Variants in SIMC1 observed in about 807,000 individuals in gnomAD.
SIMC1 encodes the protein SUMO-interacting motif-containing protein 1.
Under a neutral mutation model 82.3 loss-of-function variants are expected in SIMC1, and 55 were observed. That is an observed-to-expected ratio of 0.67 (90% CI 0.54 to 0.84). The LOEUF (loss-of-function observed/expected upper bound fraction) is 0.84. Ranked by LOEUF, SIMC1 falls within the 40% of genes least tolerant of loss-of-function variation. The pLI, the probability that SIMC1 is intolerant of heterozygous loss-of-function variation, is 0.00. For synonymous variants in SIMC1, 353 were observed against 426.3 expected, an observed-to-expected ratio of 0.83 and a Z score of 2.12; for missense variants, 915 against 1,107.2, an observed-to-expected ratio of 0.83 and a Z score of 2.46.
chr5:176,314,872 A>G (rs1764831377), intron 5 of SIMC1, among the ~76,000 whole-genome samples: 1 of 152,238 alleles, frequency 6.6e-6, no homozygotes, highest in Non-Finnish European at 1.5e-5. Flanking sequence ...TCAGTATAGT[A>G]TTCAATAAAT....
At chr5:176,271,685 C>T (rs1228401761) in intron 1 of SIMC1, among the ~76,000 whole-genome samples, 1 of 150,782 alleles carries the variant, frequency 6.6e-6, no homozygotes, top group Non-Finnish European at 1.5e-5. Flanking sequence ...CTACAGTAAG[C>T]AATATTTTAT....
rs1766406310 is a variant in SIMC1, at chr5:176,345,322, G to T, written c.2553G>T (p.Met851Ile). 6.2e-7 allele frequency: 1 copy of T among 1,613,882 alleles called. No individual in the cohort carries two copies. The highest frequency in any genetic ancestry group is 8.5e-7 in the Non-Finnish European group (1 of 1,179,904). ...CCTTCCGCAGCCGCCTGATCCAGAT[G>T]CTGGGGGAGCCTCTTGTCCCCCAAC... The part of the protein sequence containing the change: ...IEAFRSRLIQ[M>I]LGEPLVPQLQ... Residue 851 changes from methionine (M) to isoleucine (I), a missense_variant, in exon 10 of 10, where the codon ATG (methionine) becomes ATT (isoleucine). Transcript: ENST00000429602.
intron 9 of SIMC1, among the ~76,000 whole-genome samples, chr5:176,339,439 C>T (rs1444056832): frequency 2.0e-5 from 3 of 152,146 alleles, no homozygotes; most frequent in Non-Finnish European, 4.4e-5. Flanking sequence ...GTAGCACCCT[C>T]AAAGAAAGGT....
chr5:176,253,986 A>G (rs980706167), intron 1 of SIMC1, among the ~76,000 whole-genome samples: 1 of 152,136 alleles, frequency 6.6e-6, no homozygotes, highest in African/African-American at 2.4e-5. Flanking sequence ...CTTATTTTGC[A>G]TATATGGGTC....
At chr5:176,316,511 TAC>T (rs1554113792) in intron 5 of SIMC1, among the ~76,000 whole-genome samples, 1 of 33,622 alleles carries the variant, frequency 3.0e-5, no homozygotes. Flanking sequence ...TACTAAAAAA[TAC>T]AAAAAAAAAA....
chr5:176,282,660 C>A (rs968037965), intron 1 of SIMC1, among the ~76,000 whole-genome samples: 1 of 152,200 alleles, frequency 6.6e-6, no homozygotes, highest in Non-Finnish European at 1.5e-5. Context: ...AGCAACAGAG[C>A]AAAGCTGGAC....
chr5:176,308,194 T>C (rs1764509184), intron 4 of SIMC1: 16 of 1,464,178 alleles, frequency 1.1e-5, no homozygotes, highest in Non-Finnish European at 1.5e-5. Flanking sequence ...AGTTGAACAA[T>C]GATACAAGGA....
chr5:176,272,601 T>C (rs1762493281), intron 1 of SIMC1, among the ~76,000 whole-genome samples: 1 of 152,094 alleles, frequency 6.6e-6, no homozygotes, highest in African/African-American at 2.4e-5. Context: ...CGACAGTGGG[T>C]GCAGCCCACC....
intron 1 of SIMC1, among the ~76,000 whole-genome samples, chr5:176,263,801 C>G (rs1762095694): frequency 6.6e-6 from 1 of 152,194 alleles, no homozygotes. Flanking sequence ...TTAACTCATT[C>G]CACTATCAAT....
chr5:176,298,322 C>T (rs1763906592), intron 4 of SIMC1, among the ~76,000 whole-genome samples: 1 of 152,218 alleles, frequency 6.6e-6, no homozygotes, highest in Admixed American at 6.5e-5. Flanking sequence ...CTGGGGGCTG[C>T]CTGGCCACCC....
chr5:176,304,611 C>T (rs866961384), intron 4 of SIMC1, among the ~76,000 whole-genome samples: 2,021 of 147,360 alleles, frequency 0.014, 37 homozygotes, highest in South Asian at 0.062. Flanking sequence ...GCCGCCACCC[C>T]GTCTGGGAAG....
At chr5:176,301,166 T>G (rs1263409058) in intron 4 of SIMC1, among the ~76,000 whole-genome samples, 3 of 152,124 alleles carry the variant, frequency 2.0e-5, no homozygotes. Flanking sequence ...CTCCCATAAT[T>G]CCCACGTGTT....
intron 4 of SIMC1, among the ~76,000 whole-genome samples, chr5:176,297,905 C>G (rs1365733956): frequency 6.6e-6 from 1 of 152,018 alleles, no homozygotes; most frequent in Non-Finnish European, 1.5e-5. Flanking sequence ...ATTGAAGTCC[C>G]AAGATTACAA....
rs899655008 is a variant in SIMC1, at chr5:176,330,416, A to G, written c.2171+5659A>G. ...TCTCCATCTCAAAAAAAAAAAAAAA[A>G]GGGAACCAGAATTCCTTGAAGGAAT... is the stretch of plus-strand genomic sequence containing the variant. On this transcript the variant is annotated intron_variant, in intron 7 of 9. Transcript: ENST00000429602. Among the ~76,000 whole-genome samples, 15 of 148,682 alleles carry G rather than the reference A, an allele frequency of 1.0e-4. No individual in the cohort carries two copies. The East Asian group carries it at 2.4e-3, about 23-fold the overall frequency.
chr5:176,304,601 G>T (rs1764199181), intron 4 of SIMC1, among the ~76,000 whole-genome samples: 1 of 148,056 alleles, frequency 6.8e-6, no homozygotes, highest in Admixed American at 6.7e-5. Flanking sequence ...CCTCTGCCCG[G>T]CCGCCACCCC....
At chr5:176,326,523 G>A (rs983140880) in intron 7 of SIMC1, among the ~76,000 whole-genome samples, 8 of 151,428 alleles carry the variant, frequency 5.3e-5, no homozygotes, top group African/African-American at 1.2e-4. Flanking sequence ...ATGAGCCACC[G>A]CACCCAACCT....
intron 4 of SIMC1, among the ~76,000 whole-genome samples, chr5:176,302,620 T>A (rs1764089834): frequency 6.6e-6 from 1 of 152,004 alleles, no homozygotes; most frequent in South Asian, 2.1e-4. Flanking sequence ...ATATCTTTGT[T>A]CACAGGTGAC....
intron 1 of SIMC1, among the ~76,000 whole-genome samples, chr5:176,247,377 CAT>C (rs1164221522): frequency 1.2e-4 from 19 of 152,036 alleles, no homozygotes; most frequent in Admixed American, 2.0e-4. Context: ...AGCTTTTTTT[CAT>C]ATGTTTGTGG....
chr5:176,250,848 A>T (rs1294664576), intron 1 of SIMC1, among the ~76,000 whole-genome samples: 1 of 152,014 alleles, frequency 6.6e-6, no homozygotes, highest in Non-Finnish European at 1.5e-5. Context: ...TTTTGAGCCT[A>T]TGTGTGTCTT....
Sources: gnomAD v4.1 joint callset for allele counts (sites outside exome capture counted in the v4.1 genomes callset) on GRCh38, gnomAD v4.1.1 for gene constraint, MANE v1.5 for transcripts, NCBI Gene and HGNC (gene_info 2026-07-23, HGNC 2026-07-21) for gene names.